Variants in FSTL5 observed in about 807,000 individuals in gnomAD.
The protein encoded by FSTL5 is follistatin-related protein 5.
In FSTL5, 62 loss-of-function variants were observed where a neutral mutation model predicts 89.1. That is an observed-to-expected ratio of 0.70 (90% CI 0.57 to 0.86). The LOEUF is 0.86. Among genes scored for constraint, FSTL5 ranks in the 40% least tolerant of loss-of-function variants. The probability of loss-of-function intolerance (pLI) is 0.00; values close to 1 mark genes in which losing one functional copy is unlikely to be tolerated. For missense variants in FSTL5, 1,057 were observed against 1,001.6 expected (o/e 1.06, Z -0.75); for synonymous variants, 383 against 346.2 (o/e 1.11, Z -1.18).
chr4:161,605,827 C>G (rs1308985930), intron 7 of FSTL5, among the ~76,000 whole-genome samples: 3 of 152,172 alleles, frequency 2.0e-5, no homozygotes, highest in Non-Finnish European at 4.4e-5. Flanking sequence ...TTTTCTAAAC[C>G]ATGTCAGTTG....
chr4:161,425,537 A>AT (rs1177204974), intron 15 of FSTL5, among the ~76,000 whole-genome samples: 5 of 152,230 alleles, frequency 3.3e-5, no homozygotes, highest in South Asian at 4.1e-4. Flanking sequence ...TTTCATAGCT[A>AT]TTTTTTGCCC....
chr4:161,656,682 G>A (rs1221997573), intron 6 of FSTL5, among the ~76,000 whole-genome samples, 188 bp from the exon 7 acceptor site: 3 of 152,172 alleles, frequency 2.0e-5, no homozygotes, highest in Non-Finnish European at 4.4e-5. Flanking sequence ...TTAATTGATT[G>A]ACAAGCATCC....
chr4:161,923,081 C>T (rs1163925758), intron 3 of FSTL5, among the ~76,000 whole-genome samples: 2 of 151,880 alleles, frequency 1.3e-5, no homozygotes, highest in African/African-American at 4.8e-5. Flanking sequence ...TTTATCAGAT[C>T]AGTTTCAAAA....
In FSTL5 at chr4:161,671,686, TA is replaced by T. The variant is rs775479684; in HGVS notation, c.728-15193del. Among the ~76,000 whole-genome samples, 134 of 150,128 alleles carry T rather than the reference TA, an allele frequency of 8.9e-4. 1 individual carries two copies. Among genetic ancestry groups the T allele is most frequent in the Non-Finnish European group, 1.5e-3 (102 of 67,304 alleles). ...TGAGTTCATAAACTACTCCACCACTTAAAAAAAAAATCTTTGAGCCTTCTGC... is the reference window on the plus strand; with the variant it reads ...TGAGTTCATAAACTACTCCACCACTTAAAAAAAAATCTTTGAGCCTTCTGC... On this transcript the variant is annotated intron_variant, in intron 6 of 15. Transcript: ENST00000306100.
chr4:161,452,174 G>A (rs1733189737), intron 15 of FSTL5, among the ~76,000 whole-genome samples: 1 of 152,090 alleles, frequency 6.6e-6, no homozygotes, highest in African/African-American at 2.4e-5. Context: ...TGCTGAATTT[G>A]CTTAGAAATA....
At chr4:161,697,959 A>G (rs199597010) in intron 6 of FSTL5, among the ~76,000 whole-genome samples, 21 of 117,456 alleles carry the variant, frequency 1.8e-4, no homozygotes, top group Admixed American at 7.7e-4. Flanking sequence ...GTGTGTGTGT[A>G]TGTGTGTGTG....
At chr4:161,606,976 T>G in intron 7 of FSTL5, among the ~76,000 whole-genome samples, 1 of 152,214 alleles carries the variant, frequency 6.6e-6, no homozygotes, top group Non-Finnish European at 1.5e-5. Flanking sequence ...TACTAGTTAT[T>G]CGATTTCCTC....
chr4:161,998,832 T>C (rs1017665065), intron 3 of FSTL5, among the ~76,000 whole-genome samples: 3 of 147,710 alleles, frequency 2.0e-5, no homozygotes, highest in Non-Finnish European at 4.5e-5. Flanking sequence ...TTGTTTTGCA[T>C]GGTGAAGCAG....
chr4:161,980,693 TCTC>T (rs1560950376), intron 3 of FSTL5, among the ~76,000 whole-genome samples: 1 of 151,662 alleles, frequency 6.6e-6, no homozygotes, highest in Non-Finnish European at 1.5e-5. Flanking sequence ...ACCAGTGTCT[TCTC>T]CTAAACATAG....
intron 4 of FSTL5, among the ~76,000 whole-genome samples, chr4:161,848,221 G>T (rs1282210130): frequency 6.6e-6 from 1 of 151,896 alleles, no homozygotes; most frequent in Non-Finnish European, 1.5e-5. Flanking sequence ...CCATAAAAGT[G>T]ATCTCAGACA....
At chr4:161,906,893 C>G (rs1021649756) in intron 4 of FSTL5, among the ~76,000 whole-genome samples, 1 of 151,966 alleles carries the variant, frequency 6.6e-6, no homozygotes, top group African/African-American at 2.4e-5. Context: ...TGCTTCCATG[C>G]CTGCTGCTTC....
Position 161,943,538 on chromosome 4 carries a change from C to CTTT in FSTL5, c.161-22889_161-22887dup, listed in dbSNP as rs77101651. 3.2e-4 allele frequency among the ~76,000 whole-genome samples: 11 copies of CTTT among 34,366 alleles called. 2 individuals carry two copies. Among genetic ancestry groups the CTTT allele is most frequent in the South Asian group, 1.3e-3 (1 of 744 alleles). The allele number at this position is 34,366 out of a possible 152,430, so 22.5% of individuals were successfully genotyped here. On this transcript the variant is annotated intron_variant, in intron 3 of 15. Transcript: ENST00000306100. ...GACTTTTACATCAGAACCACTGTAT[C>CTTT]TTTTTTTTTTTTTTTTTTTTTTTTT...
intron 3 of FSTL5, among the ~76,000 whole-genome samples, chr4:161,961,633 T>A (rs1420731193): frequency 1.3e-5 from 2 of 151,670 alleles, no homozygotes; most frequent in African/African-American, 4.8e-5. Flanking sequence ...TAAATTGGAA[T>A]TCTTTAAAAT....
At chr4:162,076,885 A>C (rs1458388725) in intron 2 of FSTL5, among the ~76,000 whole-genome samples, 1 of 151,678 alleles carries the variant, frequency 6.6e-6, no homozygotes, top group Non-Finnish European at 1.5e-5. Context: ...CATAAATTAA[A>C]TTTATAACTT....
At chr4:161,665,409 A>G (rs1736857298) in intron 6 of FSTL5, among the ~76,000 whole-genome samples, 1 of 151,804 alleles carries the variant, frequency 6.6e-6, no homozygotes, top group African/African-American at 2.4e-5. Context: ...AATTTTTTGT[A>G]TTTTTAGTAG....
chr4:162,015,933 T>C (rs1736904201), intron 3 of FSTL5, among the ~76,000 whole-genome samples: 1 of 152,198 alleles, frequency 6.6e-6, no homozygotes, highest in African/African-American at 2.4e-5. Context: ...AAGGATGTTT[T>C]TACTCTACTT....
intron 3 of FSTL5, among the ~76,000 whole-genome samples, chr4:161,969,862 T>C (rs1410574989): frequency 6.6e-6 from 1 of 151,978 alleles, no homozygotes; most frequent in Non-Finnish European, 1.5e-5. Context: ...AATAATAATA[T>C]AGGCAGAGGA....
At chr4:161,766,417 T>C (rs1409520669) in intron 5 of FSTL5, among the ~76,000 whole-genome samples, 2 of 152,144 alleles carry the variant, frequency 1.3e-5, no homozygotes, top group Admixed American at 1.3e-4. Context: ...CCAGAAATAG[T>C]TGCCTATGCT....
At chr4:161,530,646 TA>T (rs1292364978) in intron 10 of FSTL5, among the ~76,000 whole-genome samples, 1 of 152,060 alleles carries the variant, frequency 6.6e-6, no homozygotes, top group Non-Finnish European at 1.5e-5. Context: ...CCTTATAGTA[TA>T]TTTATTATAT....
Sources: allele counts gnomAD v4.1 joint callset (sites outside exome capture counted in the v4.1 genomes callset), GRCh38; gene constraint gnomAD v4.1.1; transcripts MANE v1.5; gene names NCBI Gene and HGNC (gene_info 2026-07-23, HGNC 2026-07-21).